BDH2: variants seen among roughly 807,000 people sequenced by gnomAD.
BDH2 encodes the protein 3-hydroxybutyrate dehydrogenase 2.
BDH2 carries 24 observed loss-of-function variants against 33.2 expected under a neutral mutation model. The ratio of observed to expected loss-of-function variants is 0.72; its 90% CI spans 0.52 to 1.02. BDH2 has a LOEUF of 1.02. BDH2 is among the 50% of genes least tolerant of loss of function. The probability of loss-of-function intolerance (pLI) is 0.00; values close to 1 mark genes in which losing one functional copy is unlikely to be tolerated. For synonymous variants in BDH2, 81 were observed against 101.6 expected, an observed-to-expected ratio of 0.80 and a Z score of 1.22; for missense variants, 249 against 301.6, an observed-to-expected ratio of 0.83 and a Z score of 1.29.
Position 103,086,721 on chromosome 4 carries a change from T to G in BDH2, c.358-181A>C, listed in dbSNP as rs547827162. On this transcript the variant is annotated intron_variant, in intron 5 of 9. Transcript: ENST00000296424. ...GAACCCAAAACACCTCATCAACTAT[T>G]GCTGGGAAATGATGGCAATGTGACT... Among the ~76,000 whole-genome samples the G allele has an allele frequency of 2.0e-5, 3 of 152,322 alleles. No individual in the cohort carries two copies. The East Asian group carries it at 5.8e-4, about 29-fold the overall frequency.
At chr4:103,096,588 T>C (rs1748420319) in intron 1 of BDH2, among the ~76,000 whole-genome samples, 1 of 149,410 alleles carries the variant, frequency 6.7e-6, no homozygotes, top group Non-Finnish European at 1.5e-5. Flanking sequence ...TCACCCAGGC[T>C]GGAGTGTAAT....
In BDH2 at chr4:103,091,284, AACT is replaced by A; in HGVS notation, c.249-2_249del. The stretch of plus-strand genomic sequence containing the variant: ...TCCAGGACAGTTCCATGATGGACAA[AACT>A]AGAAGAGTGATTAAACAATGGAAGA... On this transcript the variant is annotated splice_acceptor_variant and coding_sequence_variant, in exon 5 of 10. Coordinates refer to ENST00000296424, the MANE Select transcript of BDH2 (RefSeq NM_020139.4). 6.2e-7 allele frequency: 1 copy of A among 1,600,432 alleles called. No homozygotes were observed. Among genetic ancestry groups the A allele is most frequent in the African/African-American group, 1.3e-5 (1 of 74,686 alleles).
Position 103,086,558 on chromosome 4 carries a change from A to G in BDH2, c.358-18T>C. On this transcript the variant is annotated intron_variant, in intron 5 of 9. Coordinates refer to ENST00000296424, the MANE Select transcript of BDH2 (RefSeq NM_020139.4). Reference sequence around the variant, plus strand: ...GCAAGCATCTGCCAAAACAAAACAAATACAAAAAAAAAAAAATCCACTTTG... The same window carrying G: ...GCAAGCATCTGCCAAAACAAAACAAGTACAAAAAAAAAAAAATCCACTTTG... 1.3e-6 allele frequency: 2 copies of G among 1,573,988 alleles called. No homozygotes were observed. The highest frequency in any genetic ancestry group is 1.7e-6 in the Non-Finnish European group (2 of 1,164,058).
In BDH2 at chr4:103,096,219, C is replaced by G; in HGVS notation, c.36G>C (p.Thr12=). 6.2e-7 allele frequency: 1 copy of G among 1,613,758 alleles called. No individual in the cohort carries two copies. The highest frequency in any genetic ancestry group is 1.1e-5 in the South Asian group (1 of 91,030). The change falls in exon 2 of 10, where the codon ACG becomes ACC. Residue 12 remains threonine (T), a synonymous_variant. Coordinates refer to ENST00000296424, the MANE Select transcript of BDH2 (RefSeq NM_020139.4). ...CTTGGCCAATCCCCTGAGCAGCGGC[C>G]GTCAGGATGATGACTTTCCCATCAA... ...GRLDGKVIIL[T]AAAQGIGQAA...
intron 7 of BDH2, among the ~76,000 whole-genome samples, chr4:103,085,013 A>C (rs1747708411): frequency 6.6e-6 from 1 of 152,230 alleles, no homozygotes; most frequent in Non-Finnish European, 1.5e-5. Context: ...TAGATACCTT[A>C]AGTTCCTTTT....
chr4:103,092,760 GA>G (rs1371263859), intron 3 of BDH2, 64 bp from the exon 4 acceptor site: 1 of 1,073,068 alleles, frequency 9.3e-7, no homozygotes, highest in Non-Finnish European at 1.4e-6. Flanking sequence ...TAGCTGTTTT[GA>G]AGTGTGAAGT....
chr4:103,096,986 G>C (rs1485824260), intron 1 of BDH2, among the ~76,000 whole-genome samples: 1 of 152,014 alleles, frequency 6.6e-6, no homozygotes, highest in Admixed American at 6.5e-5. Context: ...TTACTACTCA[G>C]GGCTGCTTCT....
chr4:103,084,877 TC>T (rs2110698546), intron 7 of BDH2, among the ~76,000 whole-genome samples: 1 of 151,910 alleles, frequency 6.6e-6, no homozygotes, highest in African/African-American at 2.4e-5. Flanking sequence ...GTTTGAAAGG[TC>T]CCCAGGTCAT....
intron 1 of BDH2, chr4:103,099,156 A>G (rs532217097): frequency 8.0e-4 from 122 of 152,278 alleles, no homozygotes; most frequent in African/African-American, 2.7e-3. Context: ...CATTAGTGAT[A>G]TTGGGTGTAT....
intron 5 of BDH2, among the ~76,000 whole-genome samples, chr4:103,086,820 T>C (rs924890062): frequency 5.9e-5 from 9 of 152,336 alleles, no homozygotes; most frequent in African/African-American, 1.9e-4. Flanking sequence ...TACGAGTGAA[T>C]GCTGACTTAA....
chr4:103,084,739 A>G (rs1398777693), intron 7 of BDH2, among the ~76,000 whole-genome samples: 3 of 152,156 alleles, frequency 2.0e-5, no homozygotes, highest in African/African-American at 7.2e-5. Flanking sequence ...AGCTTGGGGG[A>G]TGTTTAGTTT....
chr4:103,088,336 T>C (rs1747900199), intron 5 of BDH2, among the ~76,000 whole-genome samples: 1 of 152,366 alleles, frequency 6.6e-6, no homozygotes, highest in Admixed American at 6.5e-5. Flanking sequence ...GGTTATTATG[T>C]AGGTTCAATC....
At chr4:103,098,678 G>A (rs1748518912) in intron 1 of BDH2, 1 of 152,276 alleles carries the variant, frequency 6.6e-6, no homozygotes, top group African/African-American at 2.4e-5. Flanking sequence ...ACAGCTGTCT[G>A]GGATGCTTCC....
rs770291051 is a variant in BDH2, at chr4:103,089,848, AC to A, written c.357+1328del. Among the ~76,000 whole-genome samples the A allele has an allele frequency of 5.3e-5, 8 of 152,332 alleles. No homozygotes were observed. In the East Asian group the frequency reaches 7.7e-4, roughly 15 times the overall value. On this transcript the variant is annotated intron_variant, in intron 5 of 9. Coordinates refer to ENST00000296424, the MANE Select transcript of BDH2 (RefSeq NM_020139.4). ...AAAAAATCAACTTACATTAAAAAAA[AC>A]AATTTGTTATAAAAATTTGCTAGTT...
chr4:103,096,241 T>A lies in BDH2; in HGVS notation c.14A>T (p.Asp5Val). 5.0e-6 allele frequency: 8 copies of A among 1,613,814 alleles called. No individual in the cohort carries two copies. The highest frequency in any genetic ancestry group is 6.8e-6 in the Non-Finnish European group (8 of 1,179,754). Reference protein sequence around the residue: MGRLDGKVIILTAAA... With the variant: MGRLVGKVIILTAAA... ...GGCCGTCAGGATGATGACTTTCCCATCAAGTCGACCCATAATGGAACCTGT... is the reference window on the plus strand; with the variant it reads ...GGCCGTCAGGATGATGACTTTCCCAACAAGTCGACCCATAATGGAACCTGT... The change falls in exon 2 of 10, where the codon GAT becomes GTT. Residue 5 changes from aspartate (D) to valine (V), a missense_variant. Transcript: ENST00000296424.
intron 4 of BDH2, 56 bp downstream of exon 4, chr4:103,092,544 T>A: frequency 8.2e-7 from 1 of 1,219,944 alleles, no homozygotes; most frequent in Non-Finnish European, 1.2e-6. Context: ...ATTCTTTGAA[T>A]GAAAGTCATA....
chr4:103,086,578 A>G (rs1183578868), intron 5 of BDH2, 38 bp from the exon 6 acceptor site: 2 of 1,559,556 alleles, frequency 1.3e-6, no homozygotes, highest in East Asian at 2.3e-5. Flanking sequence ...AAAAAAATCC[A>G]CTTTGTGGGC....
chr4:103,091,889 C>T (rs554025195), intron 4 of BDH2, among the ~76,000 whole-genome samples: 3 of 152,334 alleles, frequency 2.0e-5, no homozygotes, highest in South Asian at 4.1e-4. Context: ...GTCTGAACAT[C>T]TCAGAGCAGC....
chr4:103,080,640 C>G (rs1747464306), intron 9 of BDH2, among the ~76,000 whole-genome samples: 1 of 152,194 alleles, frequency 6.6e-6, no homozygotes, highest in Non-Finnish European at 1.5e-5. Flanking sequence ...CCAACTCCCC[C>G]AAGTTCTTTT....
Sources: allele counts gnomAD v4.1 joint callset (sites outside exome capture counted in the v4.1 genomes callset), GRCh38; gene constraint gnomAD v4.1.1; transcripts MANE v1.5; gene names NCBI Gene and HGNC (gene_info 2026-07-23, HGNC 2026-07-21).